TNXB: variants seen among roughly 807,000 people sequenced by gnomAD.
The protein encoded by TNXB is tenascin-X.
TNXB carries 183 observed loss-of-function variants against 340.5 expected under a neutral mutation model. The ratio of observed to expected loss-of-function variants is 0.54; its 90% CI spans 0.48 to 0.61. TNXB has a LOEUF of 0.61. TNXB is among the 20% of genes least tolerant of loss of function. TNXB has a pLI of 0.00. For synonymous variants in TNXB, 2,121 were observed against 2,314.5 expected (o/e 0.92, Z 2.40); for missense variants, 4,613 against 5,446.4 (o/e 0.85, Z 4.82).
intron 18 of TNXB, 87 bp from the exon 19 acceptor site, chr6:32,065,204 GC>G: frequency 1.7e-6 from 2 of 1,152,206 alleles, no homozygotes; most frequent in Non-Finnish European, 2.4e-6. Context: ...CAGAAGGTGG[GC>G]CCAGTCTGGC....
In TNXB at chr6:32,058,364, G is replaced by T. The variant is rs1481605913; in HGVS notation, c.7519C>A (p.Pro2507Thr). 2 of 1,609,296 alleles carry T rather than the reference G, an allele frequency of 1.2e-6. No individual in the cohort carries two copies. The highest frequency in any genetic ancestry group is 1.7e-6 in the Non-Finnish European group (2 of 1,178,206). The change falls in exon 22 of 44, where the codon CCC becomes ACC. Residue 2507 changes from proline to threonine, a missense_variant. Pro to Thr is a conservative substitution (Grantham distance 38, BLOSUM62 -1). This residue lies in a region of TNXB where 4,327 missense variants were observed against 4,859.4 expected (regional missense o/e 0.89). Coordinates refer to ENST00000644971, the MANE Select transcript of TNXB (RefSeq NM_001365276.2). This position sits in a 1 kb window ranked among gnomAD's most constrained non-coding sequence, Gnocchi z 5.1. ...TCTGTGCCTGGTTCTGTAGGGCTGG[G>T]GGTCTCGTCCACATCCTCTTGTGGG... ...TAPQEDVDET[P>T]SPTEPGTEAP...
chr6:32,064,883 A>G lies in TNXB; in HGVS notation c.6779T>C (p.Met2260Thr). 3.1e-6 allele frequency: 5 copies of G among 1,612,634 alleles called. No homozygotes were observed. Among genetic ancestry groups the G allele is most frequent in the Non-Finnish European group, 4.2e-6 (5 of 1,179,842 alleles). ...SGLEPDHKYKMNLYGFHGGQR... is the reference protein window; with the variant it reads ...SGLEPDHKYKTNLYGFHGGQR... ...GCCACCGTGGAAGCCGTACAGGTTC[A>G]TCTTGTACTTGTGGTCTGGCTCCAG... The change falls in exon 19 of 44, where the codon ATG (methionine) becomes ACG (threonine). Residue 2260 changes from methionine (M) to threonine (T), a missense_variant. This residue lies in a region of TNXB where 4,327 missense variants were observed against 4,859.4 expected (regional missense o/e 0.89). Coordinates refer to ENST00000644971, the MANE Select transcript of TNXB (RefSeq NM_001365276.2). The surrounding 1 kb of genome is among the most constrained non-coding windows in gnomAD (Gnocchi z 5.3).
chr6:32,072,056 TG>T lies in TNXB; in HGVS notation c.4923del (p.Tyr1641Ter), dbSNP rs1397616097. On this transcript the variant is annotated frameshift_variant, in exon 13 of 44. Coordinates refer to ENST00000644971, the MANE Select transcript of TNXB (RefSeq NM_001365276.2). LOFTEE classifies it high-confidence loss of function. The surrounding 1 kb of genome is among the most constrained non-coding windows in gnomAD (Gnocchi z 4.4). ...TCCTGGATCCCAAAGAGCAGGAACT[TG>T]TACTTGCGGGAGGGTTCCAGGTCAG... is the stretch of plus-strand genomic sequence containing the variant. The part of the protein sequence containing the change: ...TIPDLEPSRK[Y>X]KFLLFGIQDG... The T allele has an allele frequency of 1.9e-6, 3 of 1,612,254 alleles. No homozygotes were observed. Among genetic ancestry groups the T allele is most frequent in the Non-Finnish European group, 2.5e-6 (3 of 1,179,276 alleles).
chr6:32,044,283 C>G, intron 33 of TNXB, 98 bp downstream of exon 33: 1 of 515,546 alleles, frequency 1.9e-6, no homozygotes, highest in Non-Finnish European at 3.3e-6. Flanking sequence ...CCAGGCCCAC[C>G]ACCAACTCGC....
chr6:32,071,895 G>T (rs1185680762), intron 13 of TNXB, 95 bp downstream of exon 13: 2 of 1,134,622 alleles, frequency 1.8e-6, no homozygotes, highest in East Asian at 5.1e-5. Context: ...AAATGAGACA[G>T]AGCAGGTGGA....
rs433061 is a variant in TNXB, at chr6:32,047,051, G to A, written c.10325-595C>T. ...GGAGAAGACAGGGGATTAGCTGGGA[G>A]AACAGAGGGCAGAGCAGAGGCTTGC... is the stretch of plus-strand genomic sequence containing the variant. On this transcript the variant is annotated intron_variant, in intron 30 of 43. Coordinates refer to ENST00000644971, the MANE Select transcript of TNXB (RefSeq NM_001365276.2). This position sits in a 1 kb window ranked among gnomAD's most constrained non-coding sequence, Gnocchi z 6.2. Among the ~76,000 whole-genome samples the A allele has an allele frequency of 0.062, 9,454 of 152,338 alleles. 466 individuals are homozygous for A. Among genetic ancestry groups the A allele is most frequent in the Non-Finnish European group, 0.11 (7,223 of 68,024 alleles).
rs1779383318 is a variant in TNXB, at chr6:32,080,784, G to A, written c.4042+584C>T. ...GACAGGGAAAGGCTGGGGACATGGA[G>A]GAACAGGCTGGGATGCTGGGCTGAA... On this transcript the variant is annotated intron_variant, in intron 10 of 43. Coordinates refer to ENST00000644971, the MANE Select transcript of TNXB (RefSeq NM_001365276.2). This position sits in a 1 kb window ranked among gnomAD's most constrained non-coding sequence, Gnocchi z 4.3. Among the ~76,000 whole-genome samples the A allele has an allele frequency of 6.6e-6, 1 of 152,178 alleles. No individual in the cohort carries two copies. The highest frequency in any genetic ancestry group is 2.1e-4 in the South Asian group (1 of 4,836).
intron 1 of TNXB, among the ~76,000 whole-genome samples, chr6:32,099,644 A>G (rs1377680913): frequency 6.6e-6 from 1 of 151,930 alleles, no homozygotes; most frequent in East Asian, 1.9e-4. Context: ...GATTAAAAGC[A>G]TGAGCCACCA....
At chr6:32,048,260 TG>T in intron 29 of TNXB, 102 bp downstream of exon 29, 1 of 1,283,170 alleles carries the variant, frequency 7.8e-7, no homozygotes, top group Non-Finnish European at 1.0e-6. Context: ...AATAAATCAG[TG>T]GGTGCTGAGG....
chr6:32,048,799 T>C, intron 28 of TNXB, 149 bp from the exon 29 acceptor site: 1 of 820,548 alleles, frequency 1.2e-6, no homozygotes, highest in Non-Finnish European at 1.7e-6. Flanking sequence ...TGTAAGCAGC[T>C]CACAAACAGT....
In TNXB at chr6:32,087,660, G is replaced by A. The variant is rs1415507504; in HGVS notation, c.2779+1125C>T. 6 of 432,342 alleles carry A rather than the reference G, an allele frequency of 1.4e-5. No homozygotes were observed. The highest frequency in any genetic ancestry group is 9.4e-6 in the Non-Finnish European group (2 of 213,702). The allele number at this position is 432,342 out of a possible 1,614,324, so 26.8% of individuals were successfully genotyped here. On this transcript the variant is annotated intron_variant, in intron 6 of 43. Transcript: ENST00000644971. This position sits in a 1 kb window ranked among gnomAD's most constrained non-coding sequence, Gnocchi z 9.0. Reference sequence around the variant, plus strand: ...GTGCGGGGGAGCCGGCTGGGGCGGCGGCCAACAGACGCCGCTGCAAGTATT... The same window carrying A: ...GTGCGGGGGAGCCGGCTGGGGCGGCAGCCAACAGACGCCGCTGCAAGTATT...
Position 32,046,551 on chromosome 6 carries a change from C to A in TNXB, c.10325-95G>T. 1 of 1,165,460 alleles carries A rather than the reference C, an allele frequency of 8.6e-7. No individual in the cohort carries two copies. The highest frequency in any genetic ancestry group is 2.8e-5 in the Admixed American group (1 of 36,100). The allele number at this position is 1,165,460 out of a possible 1,614,324, so 72.2% of individuals were successfully genotyped here. ...AGGTGTGAGGTTCTGGGAAATGGTCCCTCCAGTGTAGCCCCAGGGACAGCT... is the reference window on the plus strand; with the variant it reads ...AGGTGTGAGGTTCTGGGAAATGGTCACTCCAGTGTAGCCCCAGGGACAGCT... On this transcript the variant is annotated intron_variant, in intron 30 of 43. Transcript: ENST00000644971. This position sits in a 1 kb window ranked among gnomAD's most constrained non-coding sequence, Gnocchi z 6.9.
chr6:32,048,011 G>A lies in TNXB; in HGVS notation c.10047C>T (p.Ala3349=). The change falls in exon 30 of 44, where the codon GCC becomes GCT. Residue 3349 remains alanine (A), a splice_region_variant and synonymous_variant. Coordinates refer to ENST00000644971, the MANE Select transcript of TNXB (RefSeq NM_001365276.2). ...GGCGGGGAGACGGTTTGGTGTCTGG[G>A]GCTGGAAAAGACAGTGAGGTGCATG... is the stretch of plus-strand genomic sequence containing the variant. ...HGPVPVEART[A]PDTKPSPRLG... The A allele has an allele frequency of 6.2e-7, 1 of 1,607,390 alleles. No individual in the cohort carries two copies.
chr6:32,060,672 G>A (rs1006380709), intron 21 of TNXB, among the ~76,000 whole-genome samples: 1 of 151,872 alleles, frequency 6.6e-6, no homozygotes, highest in Admixed American at 6.6e-5. Flanking sequence ...ACTGAGTTTG[G>A]CTGTATCTGC....
chr6:32,095,036 G>A, intron 4 of TNXB, 40 bp downstream of exon 4: 1 of 1,503,690 alleles, frequency 6.7e-7, no homozygotes, highest in Non-Finnish European at 9.0e-7. Context: ...CCCCTGTCCT[G>A]CCCACTCAGT....
rs780106290 is a variant in TNXB at position 32,084,386 on chromosome 6, G to C, written c.3445+27C>G. On this transcript the variant is annotated intron_variant, in intron 8 of 43. Transcript: ENST00000644971. This position sits in a 1 kb window ranked among gnomAD's most constrained non-coding sequence, Gnocchi z 5.5. ...GAAAACCTCTTCAGGGCAGTACAGAGGGCAGGGTGTTACTGCTGTCACTCA... is the reference window on the plus strand; with the variant it reads ...GAAAACCTCTTCAGGGCAGTACAGACGGCAGGGTGTTACTGCTGTCACTCA... 2 of 1,562,460 alleles carry C rather than the reference G, an allele frequency of 1.3e-6. No individual in the cohort carries two copies. The highest frequency in any genetic ancestry group is 1.7e-6 in the Non-Finnish European group (2 of 1,150,306).
Position 32,085,414 on chromosome 6 carries a change from G to A in TNXB, c.3148+336C>T, listed in dbSNP as rs192082996. ...GGCAGGGAAGGGCAGAGGAGCAACC[G>A]AAGAGTGGGGGCAGGGGACAGGGCA... is the stretch of plus-strand genomic sequence containing the variant. On this transcript the variant is annotated intron_variant, in intron 7 of 43. Coordinates refer to ENST00000644971, the MANE Select transcript of TNXB (RefSeq NM_001365276.2). This position sits in a 1 kb window ranked among gnomAD's most constrained non-coding sequence, Gnocchi z 6.4. 1.3e-5 allele frequency among the ~76,000 whole-genome samples: 2 copies of A among 152,264 alleles called. No homozygotes were observed. The highest frequency in any genetic ancestry group is 2.4e-5 in the African/African-American group (1 of 41,542).
chr6:32,071,907 A>G, intron 13 of TNXB, 83 bp downstream of exon 13: 1 of 1,252,120 alleles, frequency 8.0e-7, no homozygotes, highest in Non-Finnish European at 1.1e-6. Context: ...GCAGGTGGAC[A>G]AAGGGAAGAC....
intron 6 of TNXB, among the ~76,000 whole-genome samples, chr6:32,086,376 A>G (rs1423711399): frequency 6.6e-6 from 1 of 152,086 alleles, no homozygotes; most frequent in East Asian, 1.9e-4. Flanking sequence ...TCACCCCACA[A>G]GGCTTCCATG....
Sources: gnomAD v4.1 joint callset for allele counts (sites outside exome capture counted in the v4.1 genomes callset) on GRCh38, gnomAD v4.1.1 for gene constraint, gnomAD v4.1.1 regional missense constraint, Gnocchi (gnomAD v3.1) non-coding constraint, MANE v1.5 for transcripts, NCBI Gene and HGNC (gene_info 2026-07-23, HGNC 2026-07-21) for gene names.